The following ITGBL1 variants were observed in gnomAD, a reference collection of about 807,000 sequenced individuals.
ITGBL1 encodes integrin subunit beta like 1.
A neutral mutation model predicts 68.5 loss-of-function variants in ITGBL1; 51 were observed. The ratio of observed to expected loss-of-function variants is 0.74; its 90% confidence interval spans 0.59 to 0.94. The LOEUF (loss-of-function observed/expected upper bound fraction) is 0.94. Among genes scored for constraint, ITGBL1 ranks in the 40% least tolerant of loss-of-function variants. ITGBL1 has a pLI of 0.00. For missense variants in ITGBL1, 649 were observed against 647.4 expected, an observed-to-expected ratio of 1.00 and a Z score of -0.03; for synonymous variants, 209 against 227.3, an observed-to-expected ratio of 0.92 and a Z score of 0.72.
At chr13:101,532,424 T>C (rs2049500128) in intron 2 of ITGBL1, among the ~76,000 whole-genome samples, 1 of 152,222 alleles carries the variant, frequency 6.6e-6, no homozygotes, top group East Asian at 1.9e-4. Context: ...TATATGTTAA[T>C]ATATATTTTT....
intron 7 of ITGBL1, among the ~76,000 whole-genome samples, chr13:101,612,182 C>A (rs979086407): frequency 1.3e-5 from 2 of 152,144 alleles, no homozygotes; most frequent in South Asian, 2.1e-4. Flanking sequence ...CTTTGATGCT[C>A]AAAATATTCA....
chr13:101,485,239 A>G lies in ITGBL1; in HGVS notation c.316+31139A>G, dbSNP rs1173789610. Among the ~76,000 whole-genome samples the G allele has an allele frequency of 2.0e-5, 3 of 151,920 alleles. No homozygotes were observed. The East Asian group carries it at 5.8e-4, about 29-fold the overall frequency. ...AAGTTCTGCAGGCACAAGGAAAATC[A>G]TGCCAAGTGGAAAGATGAATCTACA... On this transcript the variant is annotated intron_variant, in intron 2 of 10. Coordinates refer to ENST00000376180, the MANE Select transcript of ITGBL1 (RefSeq NM_004791.3).
intron 7 of ITGBL1, among the ~76,000 whole-genome samples, chr13:101,650,431 T>A (rs1312241467): frequency 6.6e-6 from 1 of 152,190 alleles, no homozygotes; most frequent in Non-Finnish European, 1.5e-5. Context: ...TTTTATATCA[T>A]GACCCTTATT....
chr13:101,658,140 C>G (rs1045520664), intron 7 of ITGBL1, among the ~76,000 whole-genome samples: 23 of 152,162 alleles, frequency 1.5e-4, no homozygotes, highest in African/African-American at 5.5e-4. Flanking sequence ...TTGGCTGGTA[C>G]CAAATATGTA....
intron 7 of ITGBL1, among the ~76,000 whole-genome samples, chr13:101,614,424 T>C (rs2031268355): frequency 6.6e-6 from 1 of 152,210 alleles, no homozygotes; most frequent in Non-Finnish European, 1.5e-5. Flanking sequence ...TATTTTCTTA[T>C]GTGTTGAGGA....
At chr13:101,635,311 G>A (rs912626828) in intron 7 of ITGBL1, among the ~76,000 whole-genome samples, 1 of 151,306 alleles carries the variant, frequency 6.6e-6, no homozygotes, top group Non-Finnish European at 1.5e-5. Flanking sequence ...TCATACCGAA[G>A]GAAATAAAAC....
At chr13:101,540,651 G>A (rs918348530) in intron 2 of ITGBL1, among the ~76,000 whole-genome samples, 9 of 152,142 alleles carry the variant, frequency 5.9e-5, no homozygotes, top group African/African-American at 9.7e-5. Context: ...GGGCAGTATG[G>A]CCATTTTCAC....
At chr13:101,708,250 C>T (rs114467776) in intron 9 of ITGBL1, among the ~76,000 whole-genome samples, 2,908 of 152,252 alleles carry the variant, frequency 0.019, 103 homozygotes, top group African/African-American at 0.066. Flanking sequence ...ACTAGGAAGA[C>T]ACAGGGAGCC....
At chr13:101,607,377 G>A (rs1422721132) in intron 7 of ITGBL1, among the ~76,000 whole-genome samples, 1 of 151,880 alleles carries the variant, frequency 6.6e-6, no homozygotes, top group African/African-American at 2.4e-5. Flanking sequence ...CAATTTATTG[G>A]ACAATATATA....
intron 2 of ITGBL1, among the ~76,000 whole-genome samples, chr13:101,476,009 A>T (rs183959575): frequency 1.5e-3 from 226 of 152,302 alleles, no homozygotes; most frequent in African/African-American, 5.1e-3. Flanking sequence ...ATCTGAAGGT[A>T]CAAAACTCTC....
intron 2 of ITGBL1, among the ~76,000 whole-genome samples, chr13:101,485,570 C>A (rs1362485025): frequency 6.6e-6 from 1 of 152,046 alleles, no homozygotes; most frequent in African/African-American, 2.4e-5. Context: ...TTTGGGAGAC[C>A]GAGGTGGGCT....
chr13:101,705,315 A>G (rs2034236407), intron 8 of ITGBL1, among the ~76,000 whole-genome samples: 1 of 150,460 alleles, frequency 6.6e-6, no homozygotes, highest in South Asian at 2.1e-4. Flanking sequence ...AAAAACAACA[A>G]CAACAAAAAA....
chr13:101,613,484 A>C (rs370250582), intron 7 of ITGBL1, among the ~76,000 whole-genome samples: 26 of 152,170 alleles, frequency 1.7e-4, no homozygotes, highest in African/African-American at 6.3e-4. Flanking sequence ...AGAGAATATA[A>C]GAGAGTGGCC....
chr13:101,547,281 C>A (rs1331105567), intron 2 of ITGBL1, among the ~76,000 whole-genome samples: 1 of 151,778 alleles, frequency 6.6e-6, no homozygotes, highest in Non-Finnish European at 1.5e-5. Context: ...ATTTTACTAG[C>A]TATTGAACAT....
At chr13:101,609,850 A>G (rs903874775) in intron 7 of ITGBL1, among the ~76,000 whole-genome samples, 2 of 152,146 alleles carry the variant, frequency 1.3e-5, no homozygotes, top group African/African-American at 4.8e-5. Context: ...TTCTAAATAA[A>G]CAATCTTTAT....
At chr13:101,531,047 A>AT (rs58894397) in intron 2 of ITGBL1, among the ~76,000 whole-genome samples, 118,877 of 151,806 alleles carry the variant, frequency 0.78, 46,519 homozygotes, top group South Asian at 0.81. Flanking sequence ...ATATTAGAGG[A>AT]TTTTTTTTAT....
intron 2 of ITGBL1, among the ~76,000 whole-genome samples, chr13:101,549,955 TG>T (rs1267741825): frequency 6.6e-6 from 1 of 152,172 alleles, no homozygotes; most frequent in Non-Finnish European, 1.5e-5. Context: ...TGCACAAAGA[TG>T]CTCCTGTAAG....
At chr13:101,694,574 C>G (rs1238625944) in intron 8 of ITGBL1, among the ~76,000 whole-genome samples, 2 of 151,852 alleles carry the variant, frequency 1.3e-5, no homozygotes, top group African/African-American at 4.9e-5. Context: ...CAGGCACATA[C>G]CACCACAGCT....
chr13:101,714,763 A>C, intron 10 of ITGBL1: 1 of 539,270 alleles, frequency 1.9e-6, no homozygotes, highest in Non-Finnish European at 3.3e-6. Context: ...ATGAAGCTAA[A>C]TTTTGTGATT....
Sources: allele counts gnomAD v4.1 joint callset (sites outside exome capture counted in the v4.1 genomes callset), GRCh38; gene constraint gnomAD v4.1.1; transcripts MANE v1.5; gene names NCBI Gene and HGNC (gene_info 2026-07-23, HGNC 2026-07-21).